SLCO1B3: variants seen among roughly 807,000 people sequenced by gnomAD.
The protein encoded by SLCO1B3 is liver-specific organic anion transporter 2.
A neutral mutation model predicts 71.8 loss-of-function variants in SLCO1B3; 72 were observed. The observed-to-expected ratio is 1.00, with a 90% CI of 0.83 to 1.22. The LOEUF (loss-of-function observed/expected upper bound fraction) is 1.22. SLCO1B3 is among the 50% of genes most tolerant of loss of function. The pLI, the probability that SLCO1B3 is intolerant of heterozygous loss-of-function variation, is 0.00. For missense variants in SLCO1B3, 911 were observed against 819.7 expected (o/e 1.11, Z -1.36); for synonymous variants, 298 against 278.4 (o/e 1.07, Z -0.70).
chr12:20,909,165 C>CTTTTTT (rs1006708034), intron 15 of SLCO1B3, among the ~76,000 whole-genome samples: 6 of 123,894 alleles, frequency 4.8e-5, no homozygotes, highest in Admixed American at 8.3e-5. Flanking sequence ...GCATCTTTTT[C>CTTTTTT]TTTTTTTTTT....
At chr12:20,873,648 T>C (rs1231185854) in intron 8 of SLCO1B3, among the ~76,000 whole-genome samples, 1 of 152,216 alleles carries the variant, frequency 6.6e-6, no homozygotes, top group Non-Finnish European at 1.5e-5. Flanking sequence ...GTGCAGAATG[T>C]ACAGGTTTGT....
chr12:20,905,388 C>T (rs1866222649), intron 15 of SLCO1B3, among the ~76,000 whole-genome samples: 1 of 152,168 alleles, frequency 6.6e-6, no homozygotes, highest in Non-Finnish European at 1.5e-5. Context: ...ATTTTATTCT[C>T]AGAAAATGAG....
chr12:20,860,654 A>G (rs936589877), intron 5 of SLCO1B3, among the ~76,000 whole-genome samples: 8 of 150,538 alleles, frequency 5.3e-5, no homozygotes, highest in African/African-American at 2.0e-4. Flanking sequence ...AGAAAATCAG[A>G]CAGATTGACC....
At position 20,883,410 on chromosome 12, in the gene SLCO1B3, A is replaced by G. The variant is rs1251310523; in HGVS notation, c.1498-8A>G. ...TGTATTTGTTAATATTTCAAAAACTATTTTTAGGTGTTTTATAACTGTAGT... is the reference window on the plus strand; with the variant it reads ...TGTATTTGTTAATATTTCAAAAACTGTTTTTAGGTGTTTTATAACTGTAGT... On this transcript the variant is annotated splice_polypyrimidine_tract_variant and splice_region_variant and intron_variant, in intron 12 of 15. Coordinates refer to ENST00000381545, the MANE Select transcript of SLCO1B3 (RefSeq NM_019844.4). The G allele has an allele frequency of 2.7e-6, 4 of 1,488,968 alleles. No individual in the cohort carries two copies. Among genetic ancestry groups the G allele is most frequent in the Non-Finnish European group, 3.6e-6 (4 of 1,112,404 alleles). 92.2% of individuals were successfully genotyped at this position (1,488,968 alleles called of 1,614,324 possible).
chr12:20,853,987 T>G (rs1288056793), intron 3 of SLCO1B3, among the ~76,000 whole-genome samples: 1 of 151,422 alleles, frequency 6.6e-6, no homozygotes, highest in Non-Finnish European at 1.5e-5. Flanking sequence ...TAAGAAAGAA[T>G]TTTTTAATTT....
chr12:20,863,795 C>T (rs1828337732), intron 8 of SLCO1B3, among the ~76,000 whole-genome samples: 1 of 152,314 alleles, frequency 6.6e-6, no homozygotes, highest in Admixed American at 6.5e-5. Flanking sequence ...CTCACCTTCT[C>T]ATCTCCCATT....
At chr12:20,887,758 G>C (rs1463695126) in intron 13 of SLCO1B3, among the ~76,000 whole-genome samples, 2 of 150,704 alleles carry the variant, frequency 1.3e-5, no homozygotes, top group Non-Finnish European at 3.0e-5. Context: ...GTATTATTTT[G>C]TTGCATTTCC....
intron 4 of SLCO1B3, 114 bp downstream of exon 4, chr12:20,855,283 G>A: frequency 1.2e-6 from 1 of 844,126 alleles, no homozygotes; most frequent in Non-Finnish European, 1.8e-6. Flanking sequence ...TCTCTCATGG[G>A]CAATTTGGCA....
At chr12:20,843,279 T>C (rs1399935) in intron 3 of SLCO1B3, among the ~76,000 whole-genome samples, 110,056 of 151,972 alleles carry the variant, frequency 0.72, 42,437 homozygotes, top group South Asian at 0.9. Context: ...ATCAAGTGTT[T>C]TATTCACCTT....
chr12:20,830,115 T>G (rs1565580505), intron 3 of SLCO1B3, among the ~76,000 whole-genome samples: 1 of 152,176 alleles, frequency 6.6e-6, no homozygotes, highest in Non-Finnish European at 1.5e-5. Flanking sequence ...ATGGAGTTGC[T>G]CTGGTTCACA....
intron 15 of SLCO1B3, among the ~76,000 whole-genome samples, chr12:20,907,019 A>G (rs1304822677): frequency 2.6e-5 from 4 of 151,526 alleles, no homozygotes; most frequent in Non-Finnish European, 5.9e-5. Flanking sequence ...CTGAGTTCTT[A>G]AAAAAAGGAA....
intron 15 of SLCO1B3, among the ~76,000 whole-genome samples, chr12:20,906,058 A>T (rs914380605): frequency 6.6e-6 from 1 of 152,096 alleles, no homozygotes; most frequent in Admixed American, 6.6e-5. Context: ...TATCATGAGA[A>T]AAGCAAGTGG....
chr12:20,824,943 G>A (rs1864389429), intron 3 of SLCO1B3, among the ~76,000 whole-genome samples: 1 of 152,048 alleles, frequency 6.6e-6, no homozygotes, highest in Non-Finnish European at 1.5e-5. Context: ...TAGTCAAAGT[G>A]ATAACTCAAA....
chr12:20,820,286 G>C (rs551759552), intron 3 of SLCO1B3, among the ~76,000 whole-genome samples: 169 of 152,236 alleles, frequency 1.1e-3, no homozygotes, highest in African/African-American at 3.9e-3. Context: ...CAGCCGCTAC[G>C]CCAAGAAGGA....
chr12:20,879,749 A>G (rs1426180609), intron 11 of SLCO1B3, 118 bp downstream of exon 11: 1 of 728,736 alleles, frequency 1.4e-6, no homozygotes, highest in Non-Finnish European at 2.0e-6. Context: ...ATTGAGAGAA[A>G]TTTCAATTTT....
chr12:20,880,865 G>A lies in SLCO1B3; in HGVS notation c.1342G>A (p.Val448Met), dbSNP rs1341183546. The change falls in exon 12 of 16, where the codon GTG (valine) becomes ATG (methionine). Residue 448 changes from valine (V) to methionine (M), a missense_variant. By Grantham distance (21) the Val-to-Met change is conservative. Transcript: ENST00000381545. Reference protein sequence around the residue: ...LTLTYDGNNSVASHVDVPLSY... With the variant: ...LTLTYDGNNSMASHVDVPLSY... Reference sequence around the variant, plus strand: ...ATCATATATTTTCAGAAATAATTCAGTGGCATCTCATGTAGATGTACCACT... The same window carrying A: ...ATCATATATTTTCAGAAATAATTCAATGGCATCTCATGTAGATGTACCACT... 2 of 1,586,918 alleles carry A rather than the reference G, an allele frequency of 1.3e-6. No individual in the cohort carries two copies. Among genetic ancestry groups the A allele is most frequent in the African/African-American group, 2.7e-5 (2 of 73,528 alleles).
intron 8 of SLCO1B3, among the ~76,000 whole-genome samples, chr12:20,872,036 C>T (rs1865484640): frequency 1.3e-5 from 2 of 152,062 alleles, no homozygotes; most frequent in South Asian, 4.1e-4. Flanking sequence ...GAGCAAAAAA[C>T]CCTTGCAATT....
chr12:20,885,418 G>T (rs575517701), intron 13 of SLCO1B3, among the ~76,000 whole-genome samples: 1 of 152,232 alleles, frequency 6.6e-6, no homozygotes, highest in South Asian at 2.1e-4. Flanking sequence ...TTAGCATCCA[G>T]TGGGGATAGG....
chr12:20,815,048 C>G (rs1465078912), intron 2 of SLCO1B3, among the ~76,000 whole-genome samples: 1 of 141,100 alleles, frequency 7.1e-6, no homozygotes, highest in East Asian at 2.1e-4. Flanking sequence ...AGTGGATAAA[C>G]CCTAAATACA....
Sources: gnomAD v4.1 joint callset for allele counts (sites outside exome capture counted in the v4.1 genomes callset) on GRCh38, gnomAD v4.1.1 for gene constraint, MANE v1.5 for transcripts, NCBI Gene and HGNC (gene_info 2026-07-23, HGNC 2026-07-21) for gene names.